The following RPL22 variants were observed in gnomAD, a reference collection of about 807,000 sequenced individuals.
The protein encoded by RPL22 is large ribosomal subunit protein eL22.
In RPL22, 4 loss-of-function variants were observed where a neutral mutation model predicts 16.2. That is an observed-to-expected ratio of 0.25 (90% confidence interval 0.12 to 0.57). The LOEUF is 0.57. Among genes scored for constraint, RPL22 ranks in the 20% least tolerant of loss-of-function variants. The pLI is 0.92. For synonymous variants in RPL22, 43 were observed against 54.8 expected, an observed-to-expected ratio of 0.78 and a Z score of 0.95; for missense variants, 83 against 156.1, an observed-to-expected ratio of 0.53 and a Z score of 2.49.
At chr1:6,187,533 GAACC>G (rs1231969635) in intron 3 of RPL22, among the ~76,000 whole-genome samples, 2 of 147,356 alleles carry the variant, frequency 1.4e-5, no homozygotes, top group African/African-American at 2.6e-5. Flanking sequence ...AGAATCGCTT[GAACC>G]CGGGAGGCAG....
In RPL22 at chr1:6,186,653, T is replaced by A; in HGVS notation, c.*19A>T. 1.3e-6 allele frequency: 2 copies of A among 1,489,146 alleles called. No homozygotes were observed. Among genetic ancestry groups the A allele is most frequent in the Non-Finnish European group, 9.1e-7 (1 of 1,102,578 alleles). 92.2% of individuals were successfully genotyped at this position (1,489,146 alleles called of 1,614,324 possible). A position where few individuals can be genotyped will look rare whatever the true frequency, so the allele number is the denominator to read the frequency against. ...GTTTTATTCAAGAACTCATACAAAA[T>A]TTTCCAGATAAATGAAATTTAATCC... On this transcript the variant is annotated 3_prime_UTR_variant, in exon 4 of 4. Coordinates refer to ENST00000234875, the MANE Select transcript of RPL22 (RefSeq NM_000983.4).
At chr1:6,188,600 T>C (rs1667610908) in intron 3 of RPL22, among the ~76,000 whole-genome samples, 1 of 151,516 alleles carries the variant, frequency 6.6e-6, no homozygotes, top group East Asian at 1.9e-4. Flanking sequence ...CTCACCGGCT[T>C]GCTTCCGTGG....
At chr1:6,193,200 CAGTCTCAACCTCCCAAGCTCA>C (rs1466238519) in intron 2 of RPL22, 146 bp from the exon 3 acceptor site, 5 of 890,182 alleles carry the variant, frequency 5.6e-6, no homozygotes, top group Non-Finnish European at 8.7e-6. Context: ...CAGCTCACTG[CAGTCTCAACCTCCCAAGCTCA>C]AGTCTCGACC....
intron 2 of RPL22, among the ~76,000 whole-genome samples, chr1:6,195,186 C>T (rs894708329): frequency 1.3e-5 from 2 of 151,502 alleles, no homozygotes; most frequent in African/African-American, 4.9e-5. Flanking sequence ...TGGCTCACGC[C>T]TGTAATCCCA....
In RPL22 at chr1:6,189,438, G is replaced by C. The variant is rs543080504; in HGVS notation, c.243-2622C>G. 2.3e-4 allele frequency among the ~76,000 whole-genome samples: 35 copies of C among 152,136 alleles called. 1 individual carries two copies. The East Asian group carries it at 6.4e-3, about 28-fold the overall frequency. On this transcript the variant is annotated intron_variant, in intron 3 of 3. Transcript: ENST00000234875. ...CATAGCCGGACATGGTGGGGCACTC[G>C]TGTAGTCCCAGCTATTTGGGAGGCT... is the stretch of plus-strand genomic sequence containing the variant.
chr1:6,196,478 C>T (rs989343778), intron 2 of RPL22, among the ~76,000 whole-genome samples: 1 of 152,124 alleles, frequency 6.6e-6, no homozygotes, highest in Non-Finnish European at 1.5e-5. Context: ...CTGGATAATT[C>T]GTGACCATAA....
At position 6,186,511 on chromosome 1, in the gene RPL22, G is replaced by A; in HGVS notation, c.*161C>T. 1 of 519,570 alleles carries A rather than the reference G, an allele frequency of 1.9e-6. No homozygotes were observed. The highest frequency in any genetic ancestry group is 3.3e-6 in the Non-Finnish European group (1 of 301,638). The allele number at this position is 519,570 out of a possible 1,614,324, so 32.2% of individuals were successfully genotyped here. A position where few individuals can be genotyped will look rare whatever the true frequency, so the allele number is the denominator to read the frequency against. ...AATTTTTAAGCAGAAAAAAAAAGAAGTCAAGTTACAAATAAATGAGTGGCG... is the reference window on the plus strand; with the variant it reads ...AATTTTTAAGCAGAAAAAAAAAGAAATCAAGTTACAAATAAATGAGTGGCG... On this transcript the variant is annotated 3_prime_UTR_variant, in exon 4 of 4. Coordinates refer to ENST00000234875, the MANE Select transcript of RPL22 (RefSeq NM_000983.4).
At chr1:6,197,060 C>T (rs867609817) in intron 2 of RPL22, among the ~76,000 whole-genome samples, 2 of 152,178 alleles carry the variant, frequency 1.3e-5, no homozygotes, top group South Asian at 2.1e-4. Context: ...GACGGAGTCT[C>T]GCACTATCTC....
chr1:6,194,942 TC>T (rs1667696063), intron 2 of RPL22, among the ~76,000 whole-genome samples: 1 of 152,048 alleles, frequency 6.6e-6, no homozygotes. Context: ...ATCGAGACCA[TC>T]CTGGCTAACA....
At chr1:6,193,161 T>C (rs1667673457) in intron 2 of RPL22, 107 bp from the exon 3 acceptor site, 1 of 1,390,022 alleles carries the variant, frequency 7.2e-7, no homozygotes, top group Non-Finnish European at 9.9e-7. Context: ...TGTTTTGGTT[T>C]TGGAGACAGA....
intron 3 of RPL22, among the ~76,000 whole-genome samples, chr1:6,191,511 CAA>C (rs1203497554): frequency 3.6e-5 from 4 of 109,958 alleles, no homozygotes; most frequent in African/African-American, 1.1e-4. Flanking sequence ...ACTAAAAATA[CAA>C]AAAAAAAAAA....
At chr1:6,187,091 T>G (rs1374774963) in intron 3 of RPL22, among the ~76,000 whole-genome samples, 2 of 152,008 alleles carry the variant, frequency 1.3e-5, no homozygotes, top group Non-Finnish European at 2.9e-5. Flanking sequence ...GCAGATCACT[T>G]GAGGTCAGGA....
chr1:6,187,443 T>C (rs2100900786), intron 3 of RPL22, among the ~76,000 whole-genome samples: 1 of 151,862 alleles, frequency 6.6e-6, no homozygotes, highest in African/African-American at 2.4e-5. Context: ...TGCAACCCTA[T>C]CTCTACTAAA....
At chr1:6,192,782 A>G (rs975119689) in intron 3 of RPL22, 148 bp downstream of exon 3, 5 of 909,456 alleles carry the variant, frequency 5.5e-6, no homozygotes, top group Non-Finnish European at 8.5e-6. Context: ...CCATAATAGC[A>G]TTCATCCACT....
chr1:6,192,954 G>A lies in RPL22; in HGVS notation c.218C>T (p.Thr73Ile). The change falls in exon 3 of 4, where the codon ACA (threonine) becomes ATA (isoleucine). Residue 73 changes from threonine to isoleucine, a missense_variant. By Grantham distance (89) the Thr-to-Ile change is moderately conservative. Transcript: ENST00000234875. ...IERSKSKITV[T>I]SEVPFSKRYL... The stretch of plus-strand genomic sequence containing the variant: ...CCTTTTGGAGAAAGGCACCTCGGAT[G>A]TCACGGTGATCTTGCTCTTGCTCCT... The A allele has an allele frequency of 6.2e-7, 1 of 1,613,642 alleles. No homozygotes were observed. The highest frequency in any genetic ancestry group is 8.5e-7 in the Non-Finnish European group (1 of 1,180,032).
At chr1:6,188,886 A>G (rs959085536) in intron 3 of RPL22, among the ~76,000 whole-genome samples, 2 of 152,028 alleles carry the variant, frequency 1.3e-5, no homozygotes, top group African/African-American at 2.4e-5. Flanking sequence ...CCCGGGTTCA[A>G]GCAATTCTCC....
At chr1:6,188,375 C>T (rs996132365) in intron 3 of RPL22, among the ~76,000 whole-genome samples, 10 of 152,036 alleles carry the variant, frequency 6.6e-5, no homozygotes, top group African/African-American at 2.2e-4. Context: ...GGCTTTTGTG[C>T]CCAACACCCT....
chr1:6,192,905 CCACA>C (rs3035703), intron 3 of RPL22, 21 bp downstream of exon 3: 1 of 1,611,298 alleles, frequency 6.2e-7, no homozygotes, highest in East Asian at 2.2e-5. Flanking sequence ...TGCACGCAGG[CCACA>C]CACACACTTC....
chr1:6,195,174 G>C (rs925004797), intron 2 of RPL22, among the ~76,000 whole-genome samples: 2 of 150,870 alleles, frequency 1.3e-5, no homozygotes, highest in African/African-American at 2.4e-5. Flanking sequence ...GGCCAGGCGC[G>C]GTGGCTCACG....
Sources: gnomAD v4.1 joint callset for allele counts (sites outside exome capture counted in the v4.1 genomes callset) on GRCh38, gnomAD v4.1.1 for gene constraint, MANE v1.5 for transcripts, NCBI Gene and HGNC (gene_info 2026-07-23, HGNC 2026-07-21) for gene names.